TMTC2: variants seen among roughly 807,000 people sequenced by gnomAD.
The protein encoded by TMTC2 is transmembrane O-mannosyltransferase targeting cadherins 2, also known as protein O-mannosyl-transferase TMTC2.
In TMTC2, 43 loss-of-function variants were observed where a neutral mutation model predicts 82.4. That is an observed-to-expected ratio of 0.52 (90% CI 0.41 to 0.67). The LOEUF is 0.67. TMTC2 is among the 30% of genes least tolerant of loss of function. The pLI is 0.00. For synonymous variants in TMTC2, 408 were observed against 381.9 expected, an observed-to-expected ratio of 1.07 and a Z score of -0.80; for missense variants, 919 against 1,012.4, an observed-to-expected ratio of 0.91 and a Z score of 1.25.
At chr12:82,716,328 T>C (rs1195129500) in intron 1 of TMTC2, among the ~76,000 whole-genome samples, 1 of 152,028 alleles carries the variant, frequency 6.6e-6, no homozygotes. Context: ...TAAGAGTTAC[T>C]GGTACATTCA....
intron 8 of TMTC2, among the ~76,000 whole-genome samples, chr12:83,027,560 A>C (rs4374000): frequency 0.59 from 90,061 of 152,036 alleles, 27,220 homozygotes; most frequent in South Asian, 0.73. Flanking sequence ...CTTGTAGTTG[A>C]TGTTTCCAAG....
At chr12:83,032,220 T>C (rs1438023898) in intron 9 of TMTC2, among the ~76,000 whole-genome samples, 2 of 148,538 alleles carry the variant, frequency 1.3e-5, no homozygotes, top group Non-Finnish European at 3.0e-5. Flanking sequence ...TTACTGCATC[T>C]TCTAAACTTG....
intron 4 of TMTC2, among the ~76,000 whole-genome samples, chr12:82,946,811 G>A (rs1009046764): frequency 2.0e-5 from 3 of 147,718 alleles, no homozygotes; most frequent in Non-Finnish European, 4.4e-5. Flanking sequence ...GCGCCATCTC[G>A]GCTCACTGCA....
intron 8 of TMTC2, among the ~76,000 whole-genome samples, chr12:82,991,215 CA>C (rs1305550178): frequency 6.6e-6 from 1 of 151,112 alleles, no homozygotes; most frequent in East Asian, 1.9e-4. Flanking sequence ...TTTCTGTCCA[CA>C]TTAAATAATT....
intron 1 of TMTC2, chr12:82,690,512 C>A: frequency 1.5e-6 from 1 of 670,226 alleles, no homozygotes; most frequent in Non-Finnish European, 1.8e-6. Flanking sequence ...TTTGATGTAG[C>A]TTGGTTGAAA....
intron 2 of TMTC2, among the ~76,000 whole-genome samples, chr12:82,870,845 A>G (rs1308275134): frequency 1.3e-5 from 2 of 152,218 alleles, no homozygotes; most frequent in Non-Finnish European, 2.9e-5. Flanking sequence ...GGGGATGCCA[A>G]TTGAAAAATG....
intron 8 of TMTC2, among the ~76,000 whole-genome samples, chr12:83,015,171 T>G (rs1305066841): frequency 4.6e-5 from 7 of 152,196 alleles, no homozygotes; most frequent in Non-Finnish European, 8.8e-5. Flanking sequence ...ATCCCTCAAC[T>G]CTTCCAAGCT....
intron 11 of TMTC2, among the ~76,000 whole-genome samples, chr12:83,069,822 G>A (rs1017722928): frequency 1.3e-5 from 2 of 151,782 alleles, no homozygotes; most frequent in Non-Finnish European, 1.5e-5. Context: ...ATAGTTTCAG[G>A]TCTTAGGTTT....
At chr12:82,953,997 A>G (rs893472985) in intron 4 of TMTC2, among the ~76,000 whole-genome samples, 1 of 152,226 alleles carries the variant, frequency 6.6e-6, no homozygotes. Context: ...AAACATTGTT[A>G]TCTGACTTAT....
chr12:82,856,144 T>C (rs1871251428), intron 1 of TMTC2, among the ~76,000 whole-genome samples: 1 of 152,242 alleles, frequency 6.6e-6, no homozygotes, highest in African/African-American at 2.4e-5. Flanking sequence ...GAGACCAGCA[T>C]GGTGTTTGGC....
At chr12:82,829,749 C>T (rs1869649126) in intron 1 of TMTC2, among the ~76,000 whole-genome samples, 1 of 152,132 alleles carries the variant, frequency 6.6e-6, no homozygotes, top group Non-Finnish European at 1.5e-5. Flanking sequence ...ACCTCATCTA[C>T]TCATAAATGT....
chr12:83,058,886 T>C (rs928038475), intron 10 of TMTC2, among the ~76,000 whole-genome samples: 5 of 151,820 alleles, frequency 3.3e-5, no homozygotes, highest in Admixed American at 2.6e-4. Flanking sequence ...AAATGAGATA[T>C]TTCAGGAAGT....
intron 2 of TMTC2, among the ~76,000 whole-genome samples, chr12:82,880,867 A>T (rs1872787238): frequency 6.7e-6 from 1 of 149,604 alleles, no homozygotes; most frequent in Non-Finnish European, 1.5e-5. Flanking sequence ...TGCACGTGTA[A>T]GTTCAGTTTA....
At chr12:83,072,814 G>A (rs1403280504) in intron 11 of TMTC2, among the ~76,000 whole-genome samples, 1 of 151,944 alleles carries the variant, frequency 6.6e-6, no homozygotes, top group African/African-American at 2.4e-5. Flanking sequence ...TATAAATATT[G>A]CTACCCCTGC....
intron 1 of TMTC2, among the ~76,000 whole-genome samples, chr12:82,847,990 A>G (rs1870781926): frequency 6.6e-6 from 1 of 152,184 alleles, no homozygotes; most frequent in Non-Finnish European, 1.5e-5. Flanking sequence ...CATATTGAGT[A>G]CTATGTATGT....
chr12:82,809,954 A>G (rs1014857056), intron 1 of TMTC2, among the ~76,000 whole-genome samples: 1 of 152,136 alleles, frequency 6.6e-6, no homozygotes, highest in Admixed American at 6.6e-5. Context: ...TATTCTCCAA[A>G]TTAGGCTGGT....
At position 82,699,639 on chromosome 12, in the gene TMTC2, G is replaced by A. The variant is rs1314996690; in HGVS notation, c.83+11970G>A. 3.9e-5 allele frequency among the ~76,000 whole-genome samples: 6 copies of A among 152,178 alleles called. No homozygotes were observed. The East Asian group carries it at 1.2e-3, about 29-fold the overall frequency. ...AATCAGTTTTGTATATCAAGAATTT[G>A]CAGTGAGTTTTGTTTAACACAGGTG... On this transcript the variant is annotated intron_variant, in intron 1 of 11. Transcript: ENST00000321196.
chr12:82,805,497 C>CTTTTTTT (rs753878105), intron 1 of TMTC2, among the ~76,000 whole-genome samples: 1 of 90,580 alleles, frequency 1.1e-5, no homozygotes, highest in African/African-American at 4.8e-5. Flanking sequence ...CCTCTCCCCA[C>CTTTTTTT]TTTTTTTTTT....
chr12:83,121,944 A>G (rs1044490490), intron 11 of TMTC2, among the ~76,000 whole-genome samples: 9 of 152,134 alleles, frequency 5.9e-5, no homozygotes, highest in Non-Finnish European at 1.3e-4. Context: ...GAAAGCTGGC[A>G]GTCCCAGGCC....
Sources: gnomAD v4.1 joint callset for allele counts (sites outside exome capture counted in the v4.1 genomes callset) on GRCh38, gnomAD v4.1.1 for gene constraint, MANE v1.5 for transcripts, NCBI Gene and HGNC (gene_info 2026-07-23, HGNC 2026-07-21) for gene names.